Variants in RABGAP1 observed in about 807,000 individuals in gnomAD.
RABGAP1 encodes rab GTPase-activating protein 1.
RABGAP1 carries 23 observed loss-of-function variants against 137.6 expected under a neutral mutation model. The ratio of observed to expected loss-of-function variants is 0.17; its 90% CI spans 0.12 to 0.24. The LOEUF (loss-of-function observed/expected upper bound fraction) is 0.24, where lower values mean the gene tolerates loss of function less well. RABGAP1 is among the 10% of genes least tolerant of loss of function. RABGAP1 has a pLI of 1.00. For missense variants in RABGAP1, 906 were observed against 1,275.8 expected, an observed-to-expected ratio of 0.71 and a Z score of 4.42; for synonymous variants, 451 against 450.7, an observed-to-expected ratio of 1.00 and a Z score of -0.01.
At chr9:123,102,987 C>T in intron 25 of RABGAP1, 104 bp from the exon 26 acceptor site, 1 of 1,409,276 alleles carries the variant, frequency 7.1e-7, no homozygotes, top group Non-Finnish European at 9.3e-7. Flanking sequence ...TCCCCGAGGC[C>T]TCTCCAGAGT....
At chr9:123,045,913 G>T (rs2033187148) in intron 13 of RABGAP1, among the ~76,000 whole-genome samples, 1 of 152,152 alleles carries the variant, frequency 6.6e-6, no homozygotes, top group African/African-American at 2.4e-5. Flanking sequence ...TAGGAACTCA[G>T]TAAAAGATTT....
At chr9:122,993,260 A>G (rs1490301825) in intron 6 of RABGAP1, among the ~76,000 whole-genome samples, 2 of 152,034 alleles carry the variant, frequency 1.3e-5, no homozygotes, top group African/African-American at 4.8e-5. Flanking sequence ...AAAAAGTATA[A>G]TTTTTAAATT....
At position 123,048,545 on chromosome 9, in the gene RABGAP1, C is replaced by T. The variant is rs546550705; in HGVS notation, c.1795-16803C>T. ...AACAAATAGTACAAGTCAAACAATA[C>T]AGTACGTATTAAGCTGTACTAAGAG... On this transcript the variant is annotated intron_variant, in intron 13 of 25. Coordinates refer to ENST00000373647, the MANE Select transcript of RABGAP1 (RefSeq NM_012197.4). Among the ~76,000 whole-genome samples the T allele has an allele frequency of 7.2e-5, 11 of 152,248 alleles. No homozygotes were observed. In the South Asian group the frequency reaches 2.3e-3, roughly 32 times the overall value.
At chr9:122,975,068 G>GA in intron 2 of RABGAP1, among the ~76,000 whole-genome samples, 1 of 152,258 alleles carries the variant, frequency 6.6e-6, no homozygotes, top group South Asian at 2.1e-4. Flanking sequence ...CTTTTACACT[G>GA]AAGCTCAGCA....
Position 122,996,086 on chromosome 9 carries a change from A to G in RABGAP1, c.969A>G (p.Gln323=). 6.2e-7 allele frequency: 1 copy of G among 1,613,724 alleles called. No homozygotes were observed. Among genetic ancestry groups the G allele is most frequent in the Non-Finnish European group, 8.5e-7 (1 of 1,179,924 alleles). The stretch of plus-strand genomic sequence containing the variant: ...ACAGACAGTGCTTTAAACTACGCCA[A>G]GGAATTGATAAGAAGATTGTCATCT... ...DKDRQCFKLR[Q]GIDKKIVIYV... Residue 323 remains glutamine (Q), a synonymous_variant, in exon 7 of 26, where the codon CAA becomes CAG. Coordinates refer to ENST00000373647, the MANE Select transcript of RABGAP1 (RefSeq NM_012197.4).
chr9:123,070,499 G>A lies in RABGAP1; in HGVS notation c.1983+75G>A. ...TATACTAACCTTAGGCTTGAGCATG[G>A]TTTTATATTGGGTTTGGACAGACTC... On this transcript the variant is annotated intron_variant, in intron 15 of 25. Coordinates refer to ENST00000373647, the MANE Select transcript of RABGAP1 (RefSeq NM_012197.4). The surrounding 1 kb of genome is among the most constrained non-coding windows in gnomAD (Gnocchi z 4.4). 5 of 1,605,848 alleles carry A rather than the reference G, an allele frequency of 3.1e-6. No individual in the cohort carries two copies. Among genetic ancestry groups the A allele is most frequent in the Non-Finnish European group, 4.2e-6 (5 of 1,176,518 alleles).
intron 19 of RABGAP1, among the ~76,000 whole-genome samples, chr9:123,082,151 C>G (rs1440664767): frequency 6.6e-6 from 1 of 151,668 alleles, no homozygotes; most frequent in African/African-American, 2.4e-5. Context: ...AGGCCTTTTA[C>G]TTCTCCTATT....
chr9:123,073,584 C>T lies in RABGAP1; in HGVS notation c.2016C>T (p.Val672=). ...AAGAACAGGCATTCAGTGTTCTGGT[C>T]AAGATCATGTTTGACTATGGGCTCA... is the stretch of plus-strand genomic sequence containing the variant. The part of the protein sequence containing the change: ...MPEEQAFSVL[V]KIMFDYGLRE... Residue 672 remains valine, a synonymous_variant, in exon 16 of 26, where the codon GTC becomes GTT. Coordinates refer to ENST00000373647, the MANE Select transcript of RABGAP1 (RefSeq NM_012197.4). 1 of 1,613,872 alleles carries T rather than the reference C, an allele frequency of 6.2e-7. No individual in the cohort carries two copies. Among genetic ancestry groups the T allele is most frequent in the Non-Finnish European group, 8.5e-7 (1 of 1,179,818 alleles).
chr9:123,015,380 A>G (rs2031149506), intron 11 of RABGAP1, among the ~76,000 whole-genome samples, 163 bp from the exon 12 acceptor site: 1 of 151,524 alleles, frequency 6.6e-6, no homozygotes, highest in African/African-American at 2.4e-5. Flanking sequence ...TTTACCTAGA[A>G]CTATTTTTAT....
intron 2 of RABGAP1, among the ~76,000 whole-genome samples, chr9:122,966,712 G>A (rs768054568): frequency 7.9e-5 from 12 of 152,078 alleles, no homozygotes; most frequent in Admixed American, 1.3e-4. Flanking sequence ...AAACCCGGGT[G>A]TATTACTTCG....
chr9:123,058,545 AT>A (rs61173651), intron 13 of RABGAP1, among the ~76,000 whole-genome samples: 111,622 of 151,236 alleles, frequency 0.74, 43,191 homozygotes, highest in Middle Eastern at 0.88. Flanking sequence ...CAAAAGTTAG[AT>A]TTTTTTTTTT....
At chr9:123,079,429 G>A (rs542309074) in intron 19 of RABGAP1, among the ~76,000 whole-genome samples, 2 of 152,032 alleles carry the variant, frequency 1.3e-5, no homozygotes, top group Admixed American at 1.3e-4. Context: ...GGTAGAGACA[G>A]CGTTTCGCCA....
chr9:123,014,010 C>T (rs1033984381), intron 11 of RABGAP1, among the ~76,000 whole-genome samples: 2 of 152,118 alleles, frequency 1.3e-5, no homozygotes, highest in Non-Finnish European at 2.9e-5. Flanking sequence ...GTCAGTTTGT[C>T]GGAAATTTTC....
At chr9:122,966,071 A>G (rs1346585233) in intron 2 of RABGAP1, among the ~76,000 whole-genome samples, 1 of 152,196 alleles carries the variant, frequency 6.6e-6, no homozygotes, top group East Asian at 1.9e-4. Flanking sequence ...GAGAAAGGTA[A>G]GTCCAGAATT....
intron 1 of RABGAP1, among the ~76,000 whole-genome samples, chr9:122,947,815 T>C (rs1427245520): frequency 6.6e-6 from 1 of 152,210 alleles, no homozygotes; most frequent in Non-Finnish European, 1.5e-5. Flanking sequence ...TATGATTCTC[T>C]TAGCTCACTA....
intron 14 of RABGAP1, among the ~76,000 whole-genome samples, chr9:123,066,954 CT>C (rs1042065079): frequency 6.6e-5 from 10 of 152,002 alleles, no homozygotes; most frequent in Admixed American, 3.3e-4. Context: ...GTTGCTTCAT[CT>C]TTTTTTTCCT....
chr9:122,998,272 G>A (rs1324472400), intron 9 of RABGAP1, among the ~76,000 whole-genome samples: 2 of 151,882 alleles, frequency 1.3e-5, no homozygotes, highest in Admixed American at 6.6e-5. Context: ...GCTAATTTTT[G>A]TATTTTTAGT....
chr9:122,967,706 C>CT (rs1835241323), intron 2 of RABGAP1, among the ~76,000 whole-genome samples: 1 of 150,214 alleles, frequency 6.7e-6, no homozygotes, highest in African/African-American at 2.5e-5. Flanking sequence ...CGAAGAACAA[C>CT]TTTTTTTGCT....
rs918854136 is a variant in RABGAP1 at position 122,996,878 on chromosome 9, T to C, written c.1101+273T>C. 5 of 441,228 alleles carry C rather than the reference T, an allele frequency of 1.1e-5. No individual in the cohort carries two copies. In the South Asian group the frequency reaches 1.3e-4, roughly 12 times the overall value. 27.3% of individuals were successfully genotyped at this position (441,228 alleles called of 1,614,324 possible). ...TTGATGTGATAATCAAAAGAGAAAA[T>C]TTATTAAAGAATGATTTATAGACTG... On this transcript the variant is annotated intron_variant, in intron 8 of 25. Coordinates refer to ENST00000373647, the MANE Select transcript of RABGAP1 (RefSeq NM_012197.4).
Sources: gnomAD v4.1 joint callset for allele counts (sites outside exome capture counted in the v4.1 genomes callset) on GRCh38, gnomAD v4.1.1 for gene constraint, Gnocchi (gnomAD v3.1) non-coding constraint, MANE v1.5 for transcripts, NCBI Gene and HGNC (gene_info 2026-07-23, HGNC 2026-07-21) for gene names.